CHODL: variants seen among roughly 807,000 people sequenced by gnomAD.
The protein encoded by CHODL is transmembrane protein MT75.
In CHODL, 29 loss-of-function variants were observed where a neutral mutation model predicts 34.5. The observed-to-expected ratio is 0.84, with a 90% CI of 0.63 to 1.15. The LOEUF (loss-of-function observed/expected upper bound fraction) is 1.15, where lower values mean the gene tolerates loss of function less well. Ranked by LOEUF, CHODL falls within the 50% of genes most tolerant of loss-of-function variation. The probability of loss-of-function intolerance (pLI) is 0.00; values close to 1 mark genes in which losing one functional copy is unlikely to be tolerated. For missense variants in CHODL, 332 were observed against 332.5 expected, an observed-to-expected ratio of 1.00 and a Z score of 0.01; for synonymous variants, 125 against 116.1, an observed-to-expected ratio of 1.08 and a Z score of -0.49.
intron 2 of CHODL, among the ~76,000 whole-genome samples, chr21:18,185,001 T>A (rs2073423964): frequency 6.6e-6 from 1 of 152,172 alleles, no homozygotes; most frequent in African/African-American, 2.4e-5. Context: ...AACTTGTCTC[T>A]CTCTTTTTTT....
intron 2 of CHODL, among the ~76,000 whole-genome samples, chr21:18,133,480 C>T (rs1407776749): frequency 6.6e-6 from 1 of 152,132 alleles, no homozygotes; most frequent in Non-Finnish European, 1.5e-5. Context: ...CATGCACACA[C>T]ACATACTATT....
chr21:18,080,358 A>T (rs768279848), intron 2 of CHODL, among the ~76,000 whole-genome samples: 1 of 151,888 alleles, frequency 6.6e-6, no homozygotes, highest in Non-Finnish European at 1.5e-5. Flanking sequence ...GTTTATCTTC[A>T]TTTTTGTAGC....
At chr21:18,093,413 A>T (rs144886078) in intron 2 of CHODL, among the ~76,000 whole-genome samples, 2 of 152,156 alleles carry the variant, frequency 1.3e-5, no homozygotes, top group Non-Finnish European at 2.9e-5. Flanking sequence ...AGTCCTGGTA[A>T]TAATAAACAC....
intron 2 of CHODL, chr21:18,099,809 G>A (rs1244215344): frequency 6.6e-6 from 1 of 152,092 alleles, no homozygotes; most frequent in African/African-American, 2.4e-5. Flanking sequence ...AATAAAGTGG[G>A]TGGGTTAACT....
chr21:18,048,389 G>A (rs1420668191), intron 2 of CHODL, among the ~76,000 whole-genome samples: 1 of 151,698 alleles, frequency 6.6e-6, no homozygotes. Context: ...AAGCAATTTG[G>A]GTGGAATTAA....
chr21:18,177,797 C>T (rs1447064856), intron 2 of CHODL, among the ~76,000 whole-genome samples: 1 of 152,018 alleles, frequency 6.6e-6, no homozygotes, highest in Non-Finnish European at 1.5e-5. Context: ...GAAAAATTAA[C>T]TGAGTTTATT....
intron 2 of CHODL, among the ~76,000 whole-genome samples, chr21:18,208,040 A>G (rs965993322): frequency 1.3e-5 from 2 of 152,076 alleles, no homozygotes; most frequent in African/African-American, 4.8e-5. Flanking sequence ...CCTTTTGAAT[A>G]AACTTTCTAT....
At chr21:18,100,095 TAA>T (rs2065194549) in intron 2 of CHODL, 1 of 151,812 alleles carries the variant, frequency 6.6e-6, no homozygotes, top group Admixed American at 6.6e-5. Flanking sequence ...AAAATAAAAA[TAA>T]ATAAGTTACA....
intron 2 of CHODL, among the ~76,000 whole-genome samples, chr21:18,028,908 T>A (rs1012368128): frequency 1.3e-5 from 2 of 152,262 alleles, no homozygotes; most frequent in Admixed American, 6.5e-5. Context: ...GCATACCTAT[T>A]TTCAATGATA....
intron 2 of CHODL, among the ~76,000 whole-genome samples, chr21:18,105,549 C>A (rs2065263155): frequency 6.6e-6 from 1 of 152,046 alleles, no homozygotes; most frequent in African/African-American, 2.4e-5. Flanking sequence ...GGCCATGGAC[C>A]CACAGGGAAG....
chr21:18,155,148 T>A (rs1368507645), intron 2 of CHODL, among the ~76,000 whole-genome samples: 1 of 152,204 alleles, frequency 6.6e-6, no homozygotes, highest in Non-Finnish European at 1.5e-5. Context: ...TATTTTTTCA[T>A]ATCTTTGTTT....
intron 2 of CHODL, among the ~76,000 whole-genome samples, chr21:18,190,241 C>T (rs1403407181): frequency 1.3e-5 from 2 of 152,072 alleles, no homozygotes; most frequent in African/African-American, 2.4e-5. Flanking sequence ...CCTAGGTGTA[C>T]ACACAATCTT....
chr21:18,121,331 G>A (rs939083159), intron 2 of CHODL, among the ~76,000 whole-genome samples: 1 of 152,162 alleles, frequency 6.6e-6, no homozygotes. Context: ...TTTCAAGAAA[G>A]TTTACAAATT....
At chr21:17,990,207 A>G (rs1314415407) in intron 1 of CHODL, among the ~76,000 whole-genome samples, 5 of 152,024 alleles carry the variant, frequency 3.3e-5, no homozygotes, top group Non-Finnish European at 7.4e-5. Flanking sequence ...ATAATATAAA[A>G]TAATGTTCTA....
At chr21:18,223,286 A>T (rs1422282467) in intron 2 of CHODL, among the ~76,000 whole-genome samples, 1 of 152,226 alleles carries the variant, frequency 6.6e-6, no homozygotes, top group African/African-American at 2.4e-5. Flanking sequence ...AAAATGATGG[A>T]AAAGATGTTC....
intron 1 of CHODL, among the ~76,000 whole-genome samples, chr21:18,010,297 CAAAAAAAAAAAAAAA>C (rs71189576): frequency 5.2e-5 from 2 of 38,792 alleles, no homozygotes; most frequent in Admixed American, 4.9e-4. Context: ...ACTCCCGTCT[CAAAAAAAAAAAAAAA>C]AAAAAAAAAA....
At chr21:17,958,954 A>G (rs1274847214) in intron 1 of CHODL, among the ~76,000 whole-genome samples, 1 of 152,070 alleles carries the variant, frequency 6.6e-6, no homozygotes, top group African/African-American at 2.4e-5. Context: ...ACACTGTCCC[A>G]TGGATATTTT....
intron 1 of CHODL, among the ~76,000 whole-genome samples, chr21:17,970,372 G>A (rs1028516604): frequency 6.6e-6 from 1 of 152,138 alleles, no homozygotes. Flanking sequence ...AGAAAGGAGT[G>A]TTATATCTCT....
intron 2 of CHODL, among the ~76,000 whole-genome samples, chr21:18,037,832 T>TA (rs889491572): frequency 1.3e-5 from 2 of 151,622 alleles, no homozygotes; most frequent in African/African-American, 2.4e-5. Flanking sequence ...ATACAAACTT[T>TA]AAAAAAAATC....
Sources: allele counts gnomAD v4.1 joint callset (sites outside exome capture counted in the v4.1 genomes callset), GRCh38; gene constraint gnomAD v4.1.1; transcripts MANE v1.5; gene names NCBI Gene and HGNC (gene_info 2026-07-23, HGNC 2026-07-21).